RIMS2: variants seen among roughly 807,000 people sequenced by gnomAD.
RIMS2 encodes regulating synaptic membrane exocytosis protein 2.
A neutral mutation model predicts 174.4 loss-of-function variants in RIMS2; 59 were observed. The observed-to-expected ratio is 0.34, with a 90% CI of 0.27 to 0.42. The LOEUF is 0.42. Among genes scored for constraint, RIMS2 ranks in the 10% least tolerant of loss-of-function variants. The probability of loss-of-function intolerance (pLI) is 1.00; values close to 1 mark genes in which losing one functional copy is unlikely to be tolerated. For synonymous variants in RIMS2, 606 were observed against 572.5 expected, an observed-to-expected ratio of 1.06 and a Z score of -0.84; for missense variants, 1,620 against 1,666.3, an observed-to-expected ratio of 0.97 and a Z score of 0.48.
intron 1 of RIMS2, among the ~76,000 whole-genome samples, chr8:103,664,471 A>G (rs1385962800): frequency 6.6e-6 from 1 of 152,242 alleles, no homozygotes; most frequent in Non-Finnish European, 1.5e-5. Flanking sequence ...GATGAAGGAT[A>G]TGAACAGACA....
chr8:104,173,818 C>T (rs964672653), intron 19 of RIMS2, among the ~76,000 whole-genome samples: 5 of 149,980 alleles, frequency 3.3e-5, no homozygotes, highest in Admixed American at 6.6e-5. Flanking sequence ...TTAGTAGAGA[C>T]GGGGTTTCAC....
At chr8:104,192,936 C>T (rs1416593874) in intron 19 of RIMS2, among the ~76,000 whole-genome samples, 2 of 152,060 alleles carry the variant, frequency 1.3e-5, no homozygotes, top group Admixed American at 6.6e-5. Flanking sequence ...ATGAGATGTG[C>T]TGTTGATAAG....
At chr8:103,846,969 A>G (rs967073434) in intron 3 of RIMS2, among the ~76,000 whole-genome samples, 18 of 152,106 alleles carry the variant, frequency 1.2e-4, no homozygotes, top group African/African-American at 3.9e-4. Flanking sequence ...CTGAATGTCA[A>G]ACATATCCTC....
chr8:103,802,271 T>C (rs1034481387), intron 3 of RIMS2, among the ~76,000 whole-genome samples: 3 of 152,210 alleles, frequency 2.0e-5, no homozygotes, highest in Non-Finnish European at 4.4e-5. Context: ...CGTTCTTAAC[T>C]GATATTTGCG....
At chr8:103,555,618 G>T (rs976412731) in intron 1 of RIMS2, among the ~76,000 whole-genome samples, 1 of 151,942 alleles carries the variant, frequency 6.6e-6, no homozygotes, top group East Asian at 1.9e-4. Flanking sequence ...TCAACCTAAG[G>T]GTTCATCAAC....
intron 3 of RIMS2, among the ~76,000 whole-genome samples, chr8:103,807,664 G>A (rs1016375805): frequency 6.6e-6 from 1 of 152,044 alleles, no homozygotes; most frequent in Non-Finnish European, 1.5e-5. Flanking sequence ...TTGGAACCAA[G>A]GGAGTTCTAA....
At chr8:103,896,955 A>G (rs1288841099) in intron 4 of RIMS2, among the ~76,000 whole-genome samples, 1 of 151,604 alleles carries the variant, frequency 6.6e-6, no homozygotes, top group East Asian at 1.9e-4. Flanking sequence ...CAGAAAATAC[A>G]AGGAGAGGGG....
chr8:104,172,068 C>T (rs2098835702), intron 19 of RIMS2, among the ~76,000 whole-genome samples: 1 of 152,074 alleles, frequency 6.6e-6, no homozygotes, highest in Admixed American at 6.6e-5. Context: ...ATGGTATATA[C>T]TTTATGTACT....
intron 17 of RIMS2, among the ~76,000 whole-genome samples, chr8:103,994,653 C>T (rs1030206937): frequency 4.6e-5 from 7 of 151,964 alleles, no homozygotes; most frequent in Non-Finnish European, 2.9e-5. Flanking sequence ...GGCTGTGGAC[C>T]TTAGGTAGAT....
chr8:104,190,789 A>G (rs2098993614), intron 19 of RIMS2, among the ~76,000 whole-genome samples: 1 of 152,052 alleles, frequency 6.6e-6, no homozygotes, highest in Non-Finnish European at 1.5e-5. Flanking sequence ...TTCATAGATA[A>G]TTTCAAGCCT....
At chr8:104,093,478 C>T (rs762697299) in intron 19 of RIMS2, 5 of 1,594,038 alleles carry the variant, frequency 3.1e-6, no homozygotes, top group East Asian at 2.2e-5. Flanking sequence ...CAGTATCGAT[C>T]AGGATGGGAT....
intron 19 of RIMS2, among the ~76,000 whole-genome samples, chr8:104,103,127 G>C (rs974687127): frequency 9.2e-5 from 14 of 152,054 alleles, no homozygotes; most frequent in African/African-American, 3.1e-4. Context: ...AAAGAAGAAA[G>C]GCACAAAAGG....
intron 1 of RIMS2, among the ~76,000 whole-genome samples, chr8:103,573,242 T>G (rs75548275): frequency 6.6e-6 from 1 of 151,530 alleles, no homozygotes; most frequent in Non-Finnish European, 1.5e-5. Context: ...TTTTTTTTTT[T>G]CAGTAGAGAT....
intron 11 of RIMS2, among the ~76,000 whole-genome samples, chr8:103,930,846 T>C (rs1443512116): frequency 1.3e-5 from 2 of 152,150 alleles, no homozygotes; most frequent in Non-Finnish European, 2.9e-5. Context: ...TCCCTATGAA[T>C]GTTATATAAA....
In RIMS2 at chr8:103,545,460, A is replaced by G. The variant is rs565349320; in HGVS notation, c.176+44398A>G. ...CAACTTGGAAAACATATTTGAGGCTATCATTCACAAAATTTTCCCAACTTT... is the reference window on the plus strand; with the variant it reads ...CAACTTGGAAAACATATTTGAGGCTGTCATTCACAAAATTTTCCCAACTTT... On this transcript the variant is annotated intron_variant, in intron 1 of 23. Transcript: ENST00000504942. Among the ~76,000 whole-genome samples, 112 of 152,342 alleles carry G rather than the reference A, an allele frequency of 7.4e-4. 1 individual carries two copies. Among genetic ancestry groups the G allele is most frequent in the African/African-American group, 2.4e-3 (98 of 41,594 alleles).
At chr8:103,829,810 C>G (rs2098814671) in intron 3 of RIMS2, among the ~76,000 whole-genome samples, 1 of 152,082 alleles carries the variant, frequency 6.6e-6, no homozygotes, top group Non-Finnish European at 1.5e-5. Context: ...CCCAAGTTTA[C>G]TCATGTAACA....
At chr8:103,794,099 A>C (rs1370833455) in intron 3 of RIMS2, among the ~76,000 whole-genome samples, 1 of 152,198 alleles carries the variant, frequency 6.6e-6, no homozygotes, top group Non-Finnish European at 1.5e-5. Context: ...CTTCATATGG[A>C]ACCAAAAAAG....
chr8:103,596,197 A>C (rs576407152), intron 1 of RIMS2, among the ~76,000 whole-genome samples: 1 of 151,996 alleles, frequency 6.6e-6, no homozygotes, highest in Non-Finnish European at 1.5e-5. Context: ...TATCAGTGCT[A>C]TATGTTTTAT....
At chr8:103,909,918 A>G (rs1345342289) in intron 4 of RIMS2, among the ~76,000 whole-genome samples, 1 of 151,692 alleles carries the variant, frequency 6.6e-6, no homozygotes, top group African/African-American at 2.4e-5. Context: ...AGAGATATAA[A>G]CTTTATATTA....
Sources: allele counts gnomAD v4.1 joint callset (sites outside exome capture counted in the v4.1 genomes callset), GRCh38; gene constraint gnomAD v4.1.1; transcripts MANE v1.5; gene names NCBI Gene and HGNC (gene_info 2026-07-23, HGNC 2026-07-21).